Variants in ERCC1 observed in about 807,000 individuals in gnomAD.
The protein encoded by ERCC1 is DNA excision repair protein ERCC-1.
ERCC1 carries 36 observed loss-of-function variants against 37.6 expected under a neutral mutation model. That is an observed-to-expected ratio of 0.96 (90% CI 0.73 to 1.26). ERCC1 has a LOEUF of 1.26. Among genes scored for constraint, ERCC1 ranks in the 50% most tolerant of loss-of-function variants. ERCC1 has a pLI of 0.00. For synonymous variants in ERCC1, 156 were observed against 162.1 expected (o/e 0.96, Z 0.28); for missense variants, 349 against 376.5 (o/e 0.93, Z 0.60).
At chr19:45,433,826 C>A (rs565278128) in intron 1 of ERCC1, among the ~76,000 whole-genome samples, 1 of 152,000 alleles carries the variant, frequency 6.6e-6, no homozygotes, top group Non-Finnish European at 1.5e-5. Context: ...GTTTCTCTGT[C>A]AAAGGAGCAT....
chr19:45,441,425 TG>T (rs1283072100), intron 1 of ERCC1, among the ~76,000 whole-genome samples: 1 of 152,172 alleles, frequency 6.6e-6, no homozygotes, highest in Non-Finnish European at 1.5e-5. Context: ...AGGTGAAATG[TG>T]GGTGGAAGAT....
At chr19:45,411,383 G>C (rs1026739337) in intron 9 of ERCC1, among the ~76,000 whole-genome samples, 10 of 152,140 alleles carry the variant, frequency 6.6e-5, no homozygotes, top group African/African-American at 2.4e-4. Context: ...GTTTTCCATA[G>C]TGGTTGTACT....
At chr19:45,426,492 G>A (rs1402196240), upstream of ERCC1, among the ~76,000 whole-genome samples, 9 of 150,784 alleles carry the variant, frequency 6.0e-5, no homozygotes, top group Non-Finnish European at 1.3e-4. Context: ...CAAAGGTTGC[G>A]GTGAGCTGAG....
At chr19:45,409,881 T>A (rs899638092) in intron 9 of ERCC1, 156 bp from the exon 10 acceptor site, 1 of 254,150 alleles carries the variant, frequency 3.9e-6, no homozygotes, top group African/African-American at 5.0e-5. Context: ...TTTTAAGTTA[T>A]TATTATTATT....
upstream of ERCC1, among the ~76,000 whole-genome samples, chr19:45,427,082 TTGTGCCAC>T (rs377310922): frequency 2.6e-5 from 4 of 151,708 alleles, no homozygotes; most frequent in African/African-American, 7.3e-5. Context: ...TGAGCTGCGA[TTGTGCCAC>T]TGCACTCCAG....
upstream of ERCC1, among the ~76,000 whole-genome samples, chr19:45,428,134 A>G (rs1974745629): frequency 7.4e-6 from 1 of 134,466 alleles, no homozygotes; most frequent in Non-Finnish European, 1.5e-5. Flanking sequence ...CCCAGACTAG[A>G]GTGCGGTGGT....
intron 4 of ERCC1, chr19:45,419,619 G>C: frequency 3.9e-6 from 1 of 255,748 alleles, no homozygotes; most frequent in South Asian, 4.9e-5. Context: ...GACTGGCTCT[G>C]CCCAGCAGTC....
In ERCC1 at chr19:45,420,289, C is replaced by G. The variant is rs3212954; in HGVS notation, c.425+35G>C. The stretch of plus-strand genomic sequence containing the variant: ...GACCCTCCCAGGCCAGTGGGGTGCC[C>G]TTCCTGAAGTCTGGGGTGGCGCCGC... On this transcript the variant is annotated intron_variant, in intron 4 of 9. Coordinates refer to ENST00000300853, the MANE Select transcript of ERCC1 (RefSeq NM_001983.4). The surrounding 1 kb of genome is among the most constrained non-coding windows in gnomAD (Gnocchi z 4.8). 4,860 of 1,406,228 alleles carry G rather than the reference C, an allele frequency of 3.5e-3. 141 individuals carry two copies. In the African/African-American group the frequency reaches 0.059, roughly 17 times the overall value. 87.1% of individuals were successfully genotyped at this position (1,406,228 alleles called of 1,614,324 possible).
At chr19:45,439,745 G>A (rs1975070251) in intron 1 of ERCC1, among the ~76,000 whole-genome samples, 1 of 152,020 alleles carries the variant, frequency 6.6e-6, no homozygotes, top group Admixed American at 6.6e-5. Context: ...GGGAGCCCGG[G>A]AGGCGGGTGT....
At chr19:45,441,657 A>G (rs561679800) in intron 1 of ERCC1, among the ~76,000 whole-genome samples, 320 of 141,344 alleles carry the variant, frequency 2.3e-3, no homozygotes, top group African/African-American at 5.3e-3. Flanking sequence ...TTACAGGCGT[A>G]AGCCACTGCG....
chr19:45,446,370 A>G (rs1250219108), intron 1 of ERCC1, among the ~76,000 whole-genome samples: 1 of 152,126 alleles, frequency 6.6e-6, no homozygotes, highest in Non-Finnish European at 1.5e-5. Flanking sequence ...AAGAGAGGCA[A>G]AATTTGCTGA....
intron 9 of ERCC1, among the ~76,000 whole-genome samples, chr19:45,411,785 C>T (rs911944917): frequency 6.6e-6 from 1 of 151,746 alleles, no homozygotes; most frequent in Non-Finnish European, 1.5e-5. Flanking sequence ...CAGAGTGAGA[C>T]TCCATCTCAA....
intron 9 of ERCC1, 170 bp from the exon 10 acceptor site, chr19:45,409,895 A>ATTATTTT (rs1555785258): frequency 1.2e-3 from 201 of 171,624 alleles, no homozygotes; most frequent in African/African-American, 4.4e-3. Context: ...TATTATTATT[A>ATTATTTT]TTTTTTTTTT....
chr19:45,411,693 C>T (rs1973745063), intron 9 of ERCC1, among the ~76,000 whole-genome samples: 1 of 151,870 alleles, frequency 6.6e-6, no homozygotes, highest in Non-Finnish European at 1.5e-5. Flanking sequence ...ACTCAGGAGG[C>T]TGAGGCAGGA....
upstream of ERCC1, among the ~76,000 whole-genome samples, chr19:45,428,616 C>G (rs957089919): frequency 1.3e-5 from 2 of 152,230 alleles, no homozygotes; most frequent in African/African-American, 4.8e-5. Flanking sequence ...CAACTTCGAG[C>G]CCTTTGTTCG....
Position 45,433,945 on chromosome 19 carries a change from T to A in ERCC1, c.-7-10564A>T, listed in dbSNP as rs146601826. Among the ~76,000 whole-genome samples the A allele has an allele frequency of 4.0e-5, 6 of 150,172 alleles. No homozygotes were observed. In the East Asian group the frequency reaches 1.2e-3, roughly 30 times the overall value. On this transcript the variant is annotated intron_variant, in intron 1 of 8. Transcript: ENST00000423698. ...GTCAGGAGTTCGAGACCATCCTGGC[T>A]AACATGGTGAAACCCCGTCTCTACT...
intron 1 of ERCC1, among the ~76,000 whole-genome samples, chr19:45,437,694 G>A (rs1975016097): frequency 1.3e-5 from 2 of 152,166 alleles, no homozygotes; most frequent in South Asian, 2.1e-4. Flanking sequence ...CTAGAGTCCA[G>A]GGAAGTGGGA....
At chr19:45,415,416 C>T (rs1974000083) in intron 6 of ERCC1, among the ~76,000 whole-genome samples, 1 of 150,302 alleles carries the variant, frequency 6.7e-6, no homozygotes, top group Non-Finnish European at 1.5e-5. Context: ...GTGAGCAGAT[C>T]ACCAGGTCAG....
At chr19:45,435,489 C>A (rs745802990) in intron 1 of ERCC1, among the ~76,000 whole-genome samples, 7 of 152,090 alleles carry the variant, frequency 4.6e-5, no homozygotes, top group Admixed American at 6.6e-5. Flanking sequence ...TGTTTTGAGA[C>A]CTTTATTCTG....
Sources: gnomAD v4.1 joint callset for allele counts (sites outside exome capture counted in the v4.1 genomes callset) on GRCh38, gnomAD v4.1.1 for gene constraint, Gnocchi (gnomAD v3.1) non-coding constraint, MANE v1.5 for transcripts, NCBI Gene and HGNC (gene_info 2026-07-23, HGNC 2026-07-21) for gene names.